The following NWD1 variants were observed in gnomAD, a reference collection of about 807,000 sequenced individuals.
NWD1 encodes NACHT and WD repeat domain containing 1, also known as NACHT domain- and WD repeat-containing protein 1.
In NWD1, 129 loss-of-function variants were observed where a neutral mutation model predicts 135.1. The observed-to-expected ratio is 0.96, with a 90% confidence interval of 0.83 to 1.11. The LOEUF (loss-of-function observed/expected upper bound fraction) is 1.11. NWD1 is among the 50% of genes least tolerant of loss of function. The probability of loss-of-function intolerance (pLI) is 0.00; values close to 1 mark genes in which losing one functional copy is unlikely to be tolerated. For missense variants in NWD1, 1,740 were observed against 1,851.3 expected, an observed-to-expected ratio of 0.94 and a Z score of 1.10; for synonymous variants, 773 against 786.0, an observed-to-expected ratio of 0.98 and a Z score of 0.28.
intron 10 of NWD1, among the ~76,000 whole-genome samples, chr19:16,767,296 A>G (rs1231013724): frequency 1.4e-5 from 2 of 147,754 alleles, no homozygotes; most frequent in South Asian, 4.4e-4. Flanking sequence ...GCAGCAGGCG[A>G]GAGAGAGGGA....
chr19:16,772,004 G>T (rs185259205), intron 10 of NWD1, among the ~76,000 whole-genome samples: 8 of 152,058 alleles, frequency 5.3e-5, no homozygotes, highest in Admixed American at 4.6e-4. Flanking sequence ...ACGGTTTTAG[G>T]TTCACAGCAA....
chr19:16,775,881 TG>T (rs1257539026), intron 11 of NWD1, among the ~76,000 whole-genome samples: 2 of 152,112 alleles, frequency 1.3e-5, no homozygotes, highest in African/African-American at 4.8e-5. Context: ...TTGGCCAGGC[TG>T]GTCTCAAACT....
chr19:16,775,337 G>A (rs1969562316), intron 11 of NWD1, among the ~76,000 whole-genome samples: 1 of 152,038 alleles, frequency 6.6e-6, no homozygotes, highest in African/African-American at 2.4e-5. Context: ...GCTTAAATAA[G>A]ATAGGAGTTT....
intron 15 of NWD1, among the ~76,000 whole-genome samples, chr19:16,794,831 G>T (rs1235863036): frequency 6.6e-6 from 1 of 152,030 alleles, no homozygotes; most frequent in Non-Finnish European, 1.5e-5. Flanking sequence ...ACCCAGACTG[G>T]AGTGGAGTGG....
intron 2 of NWD1, among the ~76,000 whole-genome samples, chr19:16,729,648 C>A (rs1234313692): frequency 1.3e-5 from 2 of 150,360 alleles, no homozygotes; most frequent in East Asian, 1.9e-4. Flanking sequence ...GGGGCCGAGG[C>A]ACCTGAGGTG....
chr19:16,730,091 A>G (rs1967495755), intron 2 of NWD1, among the ~76,000 whole-genome samples: 2 of 152,010 alleles, frequency 1.3e-5, no homozygotes, highest in South Asian at 4.2e-4. Context: ...TGGGAGGCCG[A>G]GGTGGGCAGA....
chr19:16,750,435 CT>C, intron 6 of NWD1, 24 bp downstream of exon 6: 1 of 1,484,664 alleles, frequency 6.7e-7, no homozygotes, highest in Non-Finnish European at 9.0e-7. Context: ...TTTTGAAACT[CT>C]TATTTATTTA....
chr19:16,730,277 A>G (rs1376459110), intron 2 of NWD1, among the ~76,000 whole-genome samples: 1 of 151,956 alleles, frequency 6.6e-6, no homozygotes, highest in East Asian at 1.9e-4. Context: ...AGCTGAGATC[A>G]CGCCACTGCA....
intron 15 of NWD1, 40 bp from the exon 16 acceptor site, chr19:16,797,692 C>A (rs1236616673): frequency 6.3e-7 from 1 of 1,591,080 alleles, no homozygotes; most frequent in Non-Finnish European, 8.6e-7. Flanking sequence ...TCAATCTCCT[C>A]TGGACATGAG....
intron 2 of NWD1, among the ~76,000 whole-genome samples, chr19:16,726,438 T>C (rs528354951): frequency 1.4e-4 from 22 of 152,078 alleles, no homozygotes; most frequent in African/African-American, 5.3e-4. Flanking sequence ...CTGTTTTCTT[T>C]CTTTTTTTCT....
intron 5 of NWD1, among the ~76,000 whole-genome samples, chr19:16,747,039 C>CT (rs202225653): frequency 0.34 from 46,983 of 137,924 alleles, 8,109 homozygotes; most frequent in Middle Eastern, 0.51. Context: ...CTTTTTCTTT[C>CT]TTTTTTTTTT....
intron 10 of NWD1, among the ~76,000 whole-genome samples, chr19:16,769,683 A>G (rs1969348873): frequency 6.6e-6 from 1 of 152,058 alleles, no homozygotes; most frequent in African/African-American, 2.4e-5. Flanking sequence ...CGCCTCCCCC[A>G]GCCCTTCTGT....
intron 15 of NWD1, 72 bp downstream of exon 15, chr19:16,794,625 G>A: frequency 9.4e-7 from 1 of 1,069,462 alleles, no homozygotes; most frequent in Non-Finnish European, 1.4e-6. Flanking sequence ...GGTGGGGCTT[G>A]GGAACAGAGA....
rs754371654 is a variant in NWD1, at chr19:16,750,410, C to T, written c.1768C>T (p.Arg590Ter). ...AHVLGYIVSS[R>*]HGLSEAELKD... ...CGTGCTGGGCTACATTGTGTCTTCCCGGTAAGTCTCTGTGTTTTGAAACTC... is the reference window on the plus strand; with the variant it reads ...CGTGCTGGGCTACATTGTGTCTTCCTGGTAAGTCTCTGTGTTTTGAAACTC... Residue 590 changes from arginine to a stop codon, truncating the protein, a stop_gained and splice_region_variant, in exon 6 of 19, where the codon CGA becomes TGA. Transcript: ENST00000524140. LOFTEE classifies it high-confidence loss of function. 59 of 1,542,244 alleles carry T rather than the reference C, an allele frequency of 3.8e-5. No individual in the cohort carries two copies. The highest frequency in any genetic ancestry group is 2.1e-4 in the African/African-American group (15 of 71,886).
chr19:16,799,781 T>C, intron 16 of NWD1, 105 bp from the exon 17 acceptor site: 1 of 1,048,894 alleles, frequency 9.5e-7, no homozygotes, highest in Non-Finnish European at 1.4e-6. Flanking sequence ...GTGTTGGGAT[T>C]ACAGGCGTGA....
In NWD1 at chr19:16,807,625, G is replaced by C. The variant is rs759507440; in HGVS notation, c.3776G>C (p.Arg1259Thr). 1.3e-6 allele frequency: 2 copies of C among 1,547,996 alleles called. No individual in the cohort carries two copies. Reference protein sequence around the residue: ...QDSLDTSSEIRCLEVAEQRKL... With the variant: ...QDSLDTSSEITCLEVAEQRKL... ...TCCCTGGACACCTCCAGTGAGATCA[G>C]GTGTCTGGAGGTTGCTGAGCAGCGC... Residue 1259 changes from arginine (R) to threonine (T), a missense_variant, in exon 18 of 19, where the codon AGG becomes ACG. Physicochemically the swap from Arg to Thr is moderately conservative, Grantham distance 71. Transcript: ENST00000524140.
chr19:16,812,402 C>T (rs528995188), intron 18 of NWD1, among the ~76,000 whole-genome samples: 11 of 151,936 alleles, frequency 7.2e-5, no homozygotes, highest in African/African-American at 2.7e-4. Flanking sequence ...GGCACGTTGG[C>T]TCACACCTGT....
At chr19:16,785,562 A>G (rs1437473569) in intron 12 of NWD1, among the ~76,000 whole-genome samples, 1 of 148,600 alleles carries the variant, frequency 6.7e-6, no homozygotes, top group African/African-American at 2.6e-5. Flanking sequence ...TTAAAAAATT[A>G]ACGTGATAAA....
rs115573216 is a variant in NWD1, at chr19:16,733,962, C to G, written c.82-2672C>G. 8.6e-3 allele frequency among the ~76,000 whole-genome samples: 1,313 copies of G among 152,140 alleles called. 26 individuals carry two copies. Among genetic ancestry groups the G allele is most frequent in the African/African-American group, 0.03 (1,256 of 41,506 alleles). On this transcript the variant is annotated intron_variant, in intron 3 of 18. Coordinates refer to ENST00000524140, the MANE Select transcript of NWD1 (RefSeq NM_001007525.5). ...CTTAAGAATCTATGTGTCTTTCTCT[C>G]GGTGCTAAAGAATTCAGGGAGGCAG...
Sources: gnomAD v4.1 joint callset for allele counts (sites outside exome capture counted in the v4.1 genomes callset) on GRCh38, gnomAD v4.1.1 for gene constraint, MANE v1.5 for transcripts, NCBI Gene and HGNC (gene_info 2026-07-23, HGNC 2026-07-21) for gene names.